The following WWC2 variants were observed in gnomAD, a reference collection of about 807,000 sequenced individuals.
WWC2 encodes the protein WW and C2 domain containing 2, also known as protein WWC2.
A neutral mutation model predicts 138.5 loss-of-function variants in WWC2; 101 were observed. That is an observed-to-expected ratio of 0.73 (90% CI 0.62 to 0.86). WWC2 has a LOEUF of 0.86. Ranked by LOEUF, WWC2 falls within the 40% of genes least tolerant of loss-of-function variation. WWC2 has a pLI of 0.00. For missense variants in WWC2, 1,420 were observed against 1,419.4 expected (o/e 1.00, Z -0.01); for synonymous variants, 558 against 538.4 (o/e 1.04, Z -0.50).
At chr4:183,139,054 G>T (rs1185788774) in intron 1 of WWC2, among the ~76,000 whole-genome samples, 1 of 152,156 alleles carries the variant, frequency 6.6e-6, no homozygotes. Flanking sequence ...GTGGAGGTTT[G>T]TATCAGTAAC....
Position 183,315,932 on chromosome 4 carries a change from A to G in WWC2, c.*203A>G, listed in dbSNP as rs1345435439. On this transcript the variant is annotated 3_prime_UTR_variant, in exon 23 of 23. Transcript: ENST00000403733. ...TGTAATTTTTATATGCTTAAAAAAG[A>G]AAAAATCATATAAGAAAGATGGGAT... is the stretch of plus-strand genomic sequence containing the variant. The G allele has an allele frequency of 2.1e-6, 1 of 485,426 alleles. No individual in the cohort carries two copies. The highest frequency in any genetic ancestry group is 3.7e-6 in the Non-Finnish European group (1 of 270,608). 30.1% of individuals were successfully genotyped at this position (485,426 alleles called of 1,614,324 possible). A position where few individuals can be genotyped will look rare whatever the true frequency, so the allele number is the denominator to read the frequency against.
chr4:183,121,068 G>A (rs1443319579), intron 1 of WWC2, among the ~76,000 whole-genome samples: 2 of 152,146 alleles, frequency 1.3e-5, no homozygotes, highest in Non-Finnish European at 2.9e-5. Context: ...TAATACAAAA[G>A]TTAGCCAGGC....
intron 2 of WWC2, among the ~76,000 whole-genome samples, chr4:183,195,665 A>G (rs1213584061): frequency 6.6e-6 from 1 of 152,192 alleles, no homozygotes; most frequent in Non-Finnish European, 1.5e-5. Context: ...AAGAAATACA[A>G]ACAGATGGCA....
At chr4:183,103,574 T>C (rs542956365) in intron 1 of WWC2, among the ~76,000 whole-genome samples, 5 of 151,502 alleles carry the variant, frequency 3.3e-5, no homozygotes, top group South Asian at 4.2e-4. Flanking sequence ...GTGATCTGTC[T>C]GCCTCGGCCT....
intron 10 of WWC2, 43 bp downstream of exon 10, chr4:183,259,771 A>C (rs766890905): frequency 3.1e-6 from 4 of 1,279,326 alleles, no homozygotes; most frequent in Non-Finnish European, 4.4e-6. Context: ...TTCTCCGAAT[A>C]GCATGTTCTT....
chr4:183,100,895 C>T (rs1483470717), intron 1 of WWC2, among the ~76,000 whole-genome samples: 2 of 152,224 alleles, frequency 1.3e-5, no homozygotes, highest in African/African-American at 4.8e-5. Flanking sequence ...CTGCCTGTTG[C>T]TGGCCTGATG....
At chr4:183,286,734 A>G (rs1738266161) in intron 20 of WWC2, among the ~76,000 whole-genome samples, 2 of 152,156 alleles carry the variant, frequency 1.3e-5, no homozygotes, top group African/African-American at 2.4e-5. Flanking sequence ...ACTACAGAGC[A>G]CCACATGTGC....
rs969945840 is a variant in WWC2 at position 183,099,339 on chromosome 4, G to A, written c.-153G>A. 5.5e-5 allele frequency: 39 copies of A among 710,922 alleles called. No homozygotes were observed. The African/African-American group carries it at 6.5e-4, about 12-fold the overall frequency. The allele number at this position is 710,922 out of a possible 1,614,324, so 44.0% of individuals were successfully genotyped here. A position where few individuals can be genotyped will look rare whatever the true frequency, so the allele number is the denominator to read the frequency against. On this transcript the variant is annotated 5_prime_UTR_variant, in exon 1 of 23. Coordinates refer to ENST00000403733, the MANE Select transcript of WWC2 (RefSeq NM_024949.6). ...AACAGCGTTTCCTGAGGCACCTCCC[G>A]CGCGTGGTTCCGCCGCGCCCCGCGC...
intron 1 of WWC2, among the ~76,000 whole-genome samples, chr4:183,102,846 G>A (rs931641458): frequency 2.7e-5 from 4 of 150,190 alleles, no homozygotes; most frequent in Admixed American, 6.6e-5. Flanking sequence ...TAGGCCATAG[G>A]TCTTGGCCAA....
intron 1 of WWC2, among the ~76,000 whole-genome samples, chr4:183,135,305 A>G (rs1733074857): frequency 6.6e-6 from 1 of 151,738 alleles, no homozygotes; most frequent in Middle Eastern, 3.4e-3. Context: ...GTTATTTTGT[A>G]CTTTTTGTTT....
At chr4:183,251,818 C>T (rs1289655084) in intron 8 of WWC2, among the ~76,000 whole-genome samples, 1 of 152,084 alleles carries the variant, frequency 6.6e-6, no homozygotes, top group Non-Finnish European at 1.5e-5. Context: ...AATGCTTTTT[C>T]CTCCTCAATT....
At chr4:183,213,674 C>G (rs1244880968) in intron 4 of WWC2, among the ~76,000 whole-genome samples, 3 of 152,072 alleles carry the variant, frequency 2.0e-5, no homozygotes, top group Non-Finnish European at 4.4e-5. Flanking sequence ...AACAGTACTT[C>G]CCGATACCTT....
At chr4:183,293,788 G>A (rs1738541039) in intron 21 of WWC2, among the ~76,000 whole-genome samples, 1 of 152,100 alleles carries the variant, frequency 6.6e-6, no homozygotes, top group African/African-American at 2.4e-5. Flanking sequence ...ACACCAACCA[G>A]AAACACCTAG....
At chr4:183,184,725 A>G (rs1427122678) in intron 1 of WWC2, among the ~76,000 whole-genome samples, 1 of 152,178 alleles carries the variant, frequency 6.6e-6, no homozygotes, top group African/African-American at 2.4e-5. Flanking sequence ...TTGCATTTCC[A>G]TAATAACTAA....
chr4:183,126,028 A>G (rs1008375195), intron 1 of WWC2, among the ~76,000 whole-genome samples: 3 of 152,362 alleles, frequency 2.0e-5, no homozygotes, highest in Admixed American at 6.5e-5. Context: ...TCAGCATGGC[A>G]TAACCCTTAG....
intron 1 of WWC2, among the ~76,000 whole-genome samples, chr4:183,144,873 G>A (rs1733405648): frequency 1.3e-5 from 2 of 152,188 alleles, no homozygotes; most frequent in Non-Finnish European, 2.9e-5. Context: ...AAGTGTCATG[G>A]CAACATCTAG....
intron 1 of WWC2, among the ~76,000 whole-genome samples, chr4:183,160,238 A>G (rs1235311745): frequency 6.6e-6 from 1 of 152,228 alleles, no homozygotes; most frequent in African/African-American, 2.4e-5. Context: ...ACAGACAGCA[A>G]AGTATGTAGT....
chr4:183,282,651 G>A (rs1446255471), intron 17 of WWC2, 57 bp from the exon 18 acceptor site: 3 of 1,492,656 alleles, frequency 2.0e-6, no homozygotes, highest in African/African-American at 1.4e-5. Context: ...TGCCCAGGTT[G>A]CGTGTTCATG....
intron 1 of WWC2, among the ~76,000 whole-genome samples, chr4:183,102,968 G>A (rs1226726958): frequency 6.6e-6 from 1 of 151,776 alleles, no homozygotes; most frequent in Non-Finnish European, 1.5e-5. Flanking sequence ...AAGTGGGCAG[G>A]CCTCAGAGAT....
Sources: gnomAD v4.1 joint callset for allele counts (sites outside exome capture counted in the v4.1 genomes callset) on GRCh38, gnomAD v4.1.1 for gene constraint, MANE v1.5 for transcripts, NCBI Gene and HGNC (gene_info 2026-07-23, HGNC 2026-07-21) for gene names.